The following CHIC2 variants were observed in gnomAD, a reference collection of about 807,000 sequenced individuals.
CHIC2 encodes the protein cysteine-rich hydrophobic domain-containing protein 2.
CHIC2 carries 14 observed loss-of-function variants against 25.9 expected under a neutral mutation model. The observed-to-expected ratio is 0.54, with a 90% CI of 0.36 to 0.85. The LOEUF (loss-of-function observed/expected upper bound fraction) is 0.85. Among genes scored for constraint, CHIC2 ranks in the 40% least tolerant of loss-of-function variants. The pLI, the probability that CHIC2 is intolerant of heterozygous loss-of-function variation, is 0.01. For synonymous variants in CHIC2, 70 were observed against 72.0 expected, an observed-to-expected ratio of 0.97 and a Z score of 0.14; for missense variants, 146 against 202.0, an observed-to-expected ratio of 0.72 and a Z score of 1.68.
At chr4:54,017,644 A>G (rs1715781401) in intron 3 of CHIC2, among the ~76,000 whole-genome samples, 1 of 152,304 alleles carries the variant, frequency 6.6e-6, no homozygotes, top group South Asian at 2.1e-4. Flanking sequence ...AATTTTATCA[A>G]GTATTCTTAT....
chr4:54,017,055 C>T (rs1331654472), intron 3 of CHIC2, among the ~76,000 whole-genome samples: 1 of 152,080 alleles, frequency 6.6e-6, no homozygotes, highest in East Asian at 1.9e-4. Context: ...ATAAAAGCTA[C>T]TTAAAAGCTT....
chr4:54,038,203 A>G (rs1432383592), intron 3 of CHIC2, among the ~76,000 whole-genome samples: 2 of 152,180 alleles, frequency 1.3e-5, no homozygotes, highest in African/African-American at 4.8e-5. Context: ...CTGACAACAT[A>G]GTTATCTCTG....
intron 3 of CHIC2, among the ~76,000 whole-genome samples, chr4:54,016,909 G>GAA (rs145569251): frequency 6.9e-6 from 1 of 144,078 alleles, no homozygotes; most frequent in African/African-American, 2.6e-5. Flanking sequence ...AAATTAAATA[G>GAA]AAAAAAAAAA....
intron 3 of CHIC2, 128 bp downstream of exon 3, chr4:54,048,827 G>T: frequency 1.3e-6 from 1 of 745,478 alleles, no homozygotes; most frequent in Non-Finnish European, 2.0e-6. Flanking sequence ...CTCCTCTCCT[G>T]GATCAGATTA....
In CHIC2 at chr4:54,064,554, C is replaced by T. The variant is rs2110097859; in HGVS notation, c.-254G>A. 7.6e-7 allele frequency: 1 copy of T among 1,319,796 alleles called. No homozygotes were observed. The highest frequency in any genetic ancestry group is 1.8e-5 in the South Asian group (1 of 55,312). The allele number at this position is 1,319,796 out of a possible 1,614,324, so 81.8% of individuals were successfully genotyped here. The stretch of plus-strand genomic sequence containing the variant: ...ACATCCGCCCAGAGGCCGACACCTC[C>T]ACAAGCACAGACGCCGCTGCCGCCG... On this transcript the variant is annotated 5_prime_UTR_variant, in exon 1 of 6. Transcript: ENST00000263921. The surrounding 1 kb of genome is among the most constrained non-coding windows in gnomAD (Gnocchi z 4.2).
upstream of CHIC2, among the ~76,000 whole-genome samples, chr4:54,066,224 G>A (rs1185293109): frequency 5.3e-5 from 8 of 152,152 alleles, no homozygotes; most frequent in Admixed American, 6.5e-5. Flanking sequence ...CCCTAGACAA[G>A]CCACTTAACT....
At chr4:54,024,575 T>A (rs542445589) in intron 3 of CHIC2, among the ~76,000 whole-genome samples, 79 of 152,260 alleles carry the variant, frequency 5.2e-4, no homozygotes, top group African/African-American at 1.9e-3. Flanking sequence ...ACCGAGGCCC[T>A]GACTTACTCA....
intron 1 of CHIC2, among the ~76,000 whole-genome samples, chr4:54,062,345 A>G (rs1717360933): frequency 6.6e-6 from 1 of 151,856 alleles, no homozygotes. Context: ...TTATTTATTT[A>G]TTTATTTATT....
the CHIC2 span, among the ~76,000 whole-genome samples, chr4:54,082,853 C>G: frequency 5.3e-5 from 8 of 152,116 alleles, no homozygotes; most frequent in Non-Finnish European, 1.2e-4. Flanking sequence ...TCAAACTACT[C>G]TAAGTACTAC....
At chr4:54,087,192 C>T in the CHIC2 span, 2 of 694,100 alleles carry the variant, frequency 2.9e-6, no homozygotes, top group Non-Finnish European at 5.2e-6. Context: ...GGGGGCAGTA[C>T]CAGCAAAGCA....
In CHIC2 at chr4:54,024,308, A is replaced by G. The variant is rs574710780; in HGVS notation, c.331-10189T>C. Among the ~76,000 whole-genome samples the G allele has an allele frequency of 6.6e-5, 10 of 152,136 alleles. No individual in the cohort carries two copies. The South Asian group carries it at 1.7e-3, about 25-fold the overall frequency. ...TTTCCATCGTGAAAATCTATCCCCA[A>G]TCCACCACTCTTGCCTCCCTCTTGG... On this transcript the variant is annotated intron_variant, in intron 3 of 5. Transcript: ENST00000263921.
At chr4:54,045,536 C>G (rs1382313448) in intron 3 of CHIC2, among the ~76,000 whole-genome samples, 2 of 151,762 alleles carry the variant, frequency 1.3e-5, no homozygotes, top group Non-Finnish European at 2.9e-5. Context: ...TAAACAGAAC[C>G]AAAGACAAAA....
At chr4:54,027,655 A>G (rs73818147) in intron 3 of CHIC2, among the ~76,000 whole-genome samples, 3,611 of 152,256 alleles carry the variant, frequency 0.024, 140 homozygotes, top group African/African-American at 0.082. Context: ...GGGGCAAGAA[A>G]CCACAAATTA....
chr4:54,045,797 C>T (rs1716766075), intron 3 of CHIC2, among the ~76,000 whole-genome samples: 2 of 151,960 alleles, frequency 1.3e-5, no homozygotes, highest in Admixed American at 1.3e-4. Flanking sequence ...AAGTTCTGGC[C>T]AGGGCAATCA....
At chr4:54,091,679 A>G in the CHIC2 span, among the ~76,000 whole-genome samples, 16 of 152,230 alleles carry the variant, frequency 1.1e-4, no homozygotes, top group East Asian at 1.2e-3. Flanking sequence ...TCCTCAAAAA[A>G]CTATTGAAAT....
Position 54,064,148 on chromosome 4 carries a change from G to C in CHIC2, c.119+34C>G. ...GGAGTAACGGGGCCCACCCCAGCCC[G>C]CACCTCCCGCCCTCGCCCTCCTCCG... On this transcript the variant is annotated intron_variant, in intron 1 of 5. Coordinates refer to ENST00000263921, the MANE Select transcript of CHIC2 (RefSeq NM_012110.4). This position sits in a 1 kb window ranked among gnomAD's most constrained non-coding sequence, Gnocchi z 4.2. 1.3e-6 allele frequency: 2 copies of C among 1,564,722 alleles called. No homozygotes were observed. The highest frequency in any genetic ancestry group is 2.3e-5 in the East Asian group (1 of 42,980).
At chr4:54,053,171 C>A (rs892593406) in intron 1 of CHIC2, among the ~76,000 whole-genome samples, 2 of 152,098 alleles carry the variant, frequency 1.3e-5, no homozygotes, top group East Asian at 3.9e-4. Flanking sequence ...ATTCAATATA[C>A]CATGATATTA....
chr4:54,063,967 G>A (rs991962892), intron 1 of CHIC2, among the ~76,000 whole-genome samples: 14 of 152,376 alleles, frequency 9.2e-5, no homozygotes, highest in Admixed American at 6.5e-4. Flanking sequence ...GGCCTGTAGG[G>A]CCTGCTAAAG....
At chr4:54,045,098 G>C (rs564602396) in intron 3 of CHIC2, among the ~76,000 whole-genome samples, 23 of 152,278 alleles carry the variant, frequency 1.5e-4, no homozygotes, top group African/African-American at 5.5e-4. Context: ...GACTAAACCA[G>C]GAAGAAGTTG....
Sources: allele counts gnomAD v4.1 joint callset (sites outside exome capture counted in the v4.1 genomes callset), GRCh38; gene constraint gnomAD v4.1.1; non-coding constraint Gnocchi (gnomAD v3.1); transcripts MANE v1.5; gene names NCBI Gene and HGNC (gene_info 2026-07-23, HGNC 2026-07-21).